SNX29: variants seen among roughly 807,000 people sequenced by gnomAD.
The protein encoded by SNX29 is sorting nexin-29.
SNX29 carries 78 observed loss-of-function variants against 102.1 expected under a neutral mutation model. That is an observed-to-expected ratio of 0.76 (90% CI 0.64 to 0.92). The LOEUF is 0.92. Ranked by LOEUF, SNX29 falls within the 40% of genes least tolerant of loss-of-function variation. The pLI is 0.00. For missense variants in SNX29, 1,280 were observed against 1,061.7 expected (o/e 1.21, Z -2.86); for synonymous variants, 580 against 414.5 (o/e 1.40, Z -4.85).
At chr16:12,538,522 T>A (rs975018523) in intron 20 of SNX29, among the ~76,000 whole-genome samples, 1 of 152,224 alleles carries the variant, frequency 6.6e-6, no homozygotes, top group Non-Finnish European at 1.5e-5. Context: ...TGATAACATA[T>A]TGCTTATGCG....
At chr16:12,416,722 GGCAAGAGAAGGA>G (rs1446036527) in intron 18 of SNX29, among the ~76,000 whole-genome samples, 1 of 152,164 alleles carries the variant, frequency 6.6e-6, no homozygotes, top group Non-Finnish European at 1.5e-5. Flanking sequence ...CATGTCACAT[GGCAAGAGAAGGA>G]GCAAGAGAGA....
intron 15 of SNX29, among the ~76,000 whole-genome samples, chr16:12,310,978 G>A (rs1013867934): frequency 1.3e-5 from 2 of 152,178 alleles, no homozygotes; most frequent in South Asian, 2.1e-4. Context: ...TGTGGGAGAA[G>A]GGAAGGAGGT....
chr16:12,552,267 C>T (rs1028102903), intron 20 of SNX29, among the ~76,000 whole-genome samples: 2 of 152,114 alleles, frequency 1.3e-5, no homozygotes, highest in East Asian at 1.9e-4. Context: ...GCTCGTAAGC[C>T]CTGGCCAGTT....
At chr16:12,539,723 C>T (rs1027219754) in intron 20 of SNX29, among the ~76,000 whole-genome samples, 5 of 152,198 alleles carry the variant, frequency 3.3e-5, no homozygotes, top group Non-Finnish European at 5.9e-5. Context: ...TTTACTGTGG[C>T]TGTTCACAAG....
At chr16:12,536,067 C>T (rs1052924177) in intron 20 of SNX29, among the ~76,000 whole-genome samples, 2 of 152,096 alleles carry the variant, frequency 1.3e-5, no homozygotes, top group African/African-American at 2.4e-5. Flanking sequence ...TGTCTTCATT[C>T]ATCTAACACA....
chr16:12,540,164 G>C (rs189773217), intron 20 of SNX29, among the ~76,000 whole-genome samples: 4 of 152,092 alleles, frequency 2.6e-5, no homozygotes, highest in Admixed American at 6.6e-5. Flanking sequence ...TTAGATCTGC[G>C]ATTCATTTTG....
At chr16:12,483,168 T>G (rs1430089995) in intron 19 of SNX29, among the ~76,000 whole-genome samples, 1 of 130,322 alleles carries the variant, frequency 7.7e-6, no homozygotes, top group Non-Finnish European at 1.6e-5. Context: ...CCATCATGCC[T>G]GGCTAATTTT....
intron 17 of SNX29, among the ~76,000 whole-genome samples, chr16:12,402,780 T>G (rs2083997235): frequency 6.6e-6 from 1 of 152,168 alleles, no homozygotes; most frequent in Non-Finnish European, 1.5e-5. Flanking sequence ...AATTTAAACC[T>G]TGGTGTATTG....
Position 12,346,872 on chromosome 16 carries a change from C to T in SNX29, c.1783-9291C>T, listed in dbSNP as rs576234601. 1.8e-4 allele frequency among the ~76,000 whole-genome samples: 28 copies of T among 152,286 alleles called. No individual in the cohort carries two copies. The South Asian group carries it at 3.7e-3, about 20-fold the overall frequency. On this transcript the variant is annotated intron_variant, in intron 15 of 20. Transcript: ENST00000566228. ...CTGCTGCTCTATGAAGCCTCCCTCCCTGGCTTGCCTGTGTATATTCTGAAA... is the reference window on the plus strand; with the variant it reads ...CTGCTGCTCTATGAAGCCTCCCTCCTTGGCTTGCCTGTGTATATTCTGAAA...
intron 16 of SNX29, among the ~76,000 whole-genome samples, chr16:12,369,357 A>T (rs1276468985): frequency 6.6e-6 from 1 of 151,514 alleles, no homozygotes; most frequent in African/African-American, 2.4e-5. Flanking sequence ...GCTGGTCTTG[A>T]ACTCCTGGCC....
At chr16:12,357,401 G>T (rs1406479618) in intron 16 of SNX29, among the ~76,000 whole-genome samples, 2 of 152,090 alleles carry the variant, frequency 1.3e-5, no homozygotes, top group Non-Finnish European at 2.9e-5. Context: ...TGTCATCACA[G>T]TCAGTGTTCA....
chr16:12,003,152 G>A (rs1346881101), intron 3 of SNX29, 109 bp downstream of exon 3: 18 of 1,382,842 alleles, frequency 1.3e-5, no homozygotes, highest in African/African-American at 2.8e-5. Flanking sequence ...GGCAGAAGGC[G>A]GCTGGCTTCT....
At chr16:12,513,169 C>T (rs958458252) in intron 19 of SNX29, among the ~76,000 whole-genome samples, 1 of 151,326 alleles carries the variant, frequency 6.6e-6, no homozygotes, top group Admixed American at 6.6e-5. Flanking sequence ...ACTCCTCTCC[C>T]CTCCCTCCCA....
rs1422712681 is a variant in SNX29, at chr16:12,572,441, G to C, written c.*3812G>C. 1 of 1,062,944 alleles carries C rather than the reference G, an allele frequency of 9.4e-7. No individual in the cohort carries two copies. Among genetic ancestry groups the C allele is most frequent in the Non-Finnish European group, 1.1e-6 (1 of 877,894 alleles). 65.8% of individuals were successfully genotyped at this position (1,062,944 alleles called of 1,614,324 possible). On this transcript the variant is annotated 3_prime_UTR_variant, in exon 21 of 21. Transcript: ENST00000566228. ...CAGGCCGGCAGTGGCTGCCTCTCTT[G>C]GTTCTGCATGGTACATTTTGCCAAC... is the stretch of plus-strand genomic sequence containing the variant.
At chr16:12,230,068 C>G (rs2077725191) in intron 14 of SNX29, among the ~76,000 whole-genome samples, 1 of 152,180 alleles carries the variant, frequency 6.6e-6, no homozygotes. Flanking sequence ...GCCAATAAAA[C>G]TTTATTTACA....
chr16:12,538,211 G>A (rs181513971), intron 20 of SNX29, among the ~76,000 whole-genome samples: 8 of 152,216 alleles, frequency 5.3e-5, no homozygotes, highest in African/African-American at 1.2e-4. Flanking sequence ...TGTGTTCTGG[G>A]TTCATGCCAT....
chr16:12,461,978 A>AAAAAAAT (rs1555544501), intron 18 of SNX29, among the ~76,000 whole-genome samples: 3 of 27,348 alleles, frequency 1.1e-4, no homozygotes, highest in African/African-American at 1.4e-4. Context: ...AAAAAAAAAA[A>AAAAAAAT]ATATATATAT....
chr16:12,198,304 C>T (rs1299140623), intron 13 of SNX29, among the ~76,000 whole-genome samples: 1 of 151,430 alleles, frequency 6.6e-6, no homozygotes, highest in Admixed American at 6.6e-5. Flanking sequence ...TGTATCATCC[C>T]CCTAAAATTA....
At chr16:12,035,227 A>C (rs62037706) in intron 4 of SNX29, among the ~76,000 whole-genome samples, 1 of 144,442 alleles carries the variant, frequency 6.9e-6, no homozygotes, top group Admixed American at 7.0e-5. Context: ...TTTTTTTTAA[A>C]TAAGAGACAG....
Sources: allele counts gnomAD v4.1 joint callset (sites outside exome capture counted in the v4.1 genomes callset), GRCh38; gene constraint gnomAD v4.1.1; transcripts MANE v1.5; gene names NCBI Gene and HGNC (gene_info 2026-07-23, HGNC 2026-07-21).